The following PLCXD3 variants were observed in gnomAD, a reference collection of about 807,000 sequenced individuals.
The protein encoded by PLCXD3 is phosphatidylinositol specific phospholipase C X domain containing 3.
Under a neutral mutation model 25.5 loss-of-function variants are expected in PLCXD3, and 19 were observed. That is an observed-to-expected ratio of 0.75 (90% CI 0.52 to 1.09). PLCXD3 has a LOEUF of 1.09. Among genes scored for constraint, PLCXD3 ranks in the 50% least tolerant of loss-of-function variants. The probability of loss-of-function intolerance (pLI) is 0.00; values close to 1 mark genes in which losing one functional copy is unlikely to be tolerated. For missense variants in PLCXD3, 411 were observed against 388.1 expected (o/e 1.06, Z -0.50); for synonymous variants, 174 against 137.6 (o/e 1.26, Z -1.85).
chr5:41,338,240 A>T (rs1744039078), intron 2 of PLCXD3, among the ~76,000 whole-genome samples: 1 of 152,154 alleles, frequency 6.6e-6, no homozygotes, highest in Non-Finnish European at 1.5e-5. Flanking sequence ...TGTGCCTAAA[A>T]CAAAAGGTTT....
intron 1 of PLCXD3, among the ~76,000 whole-genome samples, chr5:41,413,246 T>C (rs1421511961): frequency 2.0e-5 from 3 of 152,186 alleles, no homozygotes; most frequent in South Asian, 2.1e-4. Flanking sequence ...ATCATGAAAG[T>C]CATAAATTTT....
intron 2 of PLCXD3, among the ~76,000 whole-genome samples, chr5:41,375,295 A>C (rs139642308): frequency 6.6e-6 from 1 of 152,120 alleles, no homozygotes; most frequent in Non-Finnish European, 1.5e-5. Flanking sequence ...TGTTGAGTGC[A>C]GTGCAGACTG....
intron 1 of PLCXD3, among the ~76,000 whole-genome samples, chr5:41,496,424 A>T (rs1748837768): frequency 6.6e-6 from 1 of 152,030 alleles, no homozygotes; most frequent in Non-Finnish European, 1.5e-5. Context: ...AAAATTGCCA[A>T]AATCAAAGAC....
Position 41,307,013 on chromosome 5 carries a change from A to T in PLCXD3, c.*6604T>A, listed in dbSNP as rs1743022844. 1 of 152,610 alleles carries T rather than the reference A, an allele frequency of 6.6e-6. No homozygotes were observed. The highest frequency in any genetic ancestry group is 2.4e-5 in the African/African-American group (1 of 41,454). 9.5% of individuals were successfully genotyped at this position (152,610 alleles called of 1,614,324 possible). On this transcript the variant is annotated 3_prime_UTR_variant, in exon 3 of 3. Transcript: ENST00000377801. ...ATACAAATAAACTTTTATTTTTTAC[A>T]TTAAGAACACAATCTTATTTAAAAA...
chr5:41,414,500 G>A (rs974002996), intron 1 of PLCXD3, among the ~76,000 whole-genome samples: 2 of 152,128 alleles, frequency 1.3e-5, no homozygotes, highest in Non-Finnish European at 2.9e-5. Context: ...ATTGTACTGC[G>A]AATATTTTAT....
Position 41,510,536 on chromosome 5 carries a change from C to T in PLCXD3, c.-10G>A. The T allele has an allele frequency of 2.5e-6, 4 of 1,609,966 alleles. No individual in the cohort carries two copies. The highest frequency in any genetic ancestry group is 3.4e-6 in the Non-Finnish European group (4 of 1,177,126). On this transcript the variant is annotated 5_prime_UTR_variant, in exon 1 of 3. Coordinates refer to ENST00000377801, the MANE Select transcript of PLCXD3 (RefSeq NM_001005473.3). The stretch of plus-strand genomic sequence containing the variant: ...CCTGAGACGAGGCCATCGTGCCAGT[C>T]GGCGTGCAGCGCGCTGGTCCCAGCA...
chr5:41,365,013 C>T (rs1188028441), intron 2 of PLCXD3, among the ~76,000 whole-genome samples: 1 of 152,180 alleles, frequency 6.6e-6, no homozygotes, highest in African/African-American at 2.4e-5. Flanking sequence ...AGACCTTTCA[C>T]ATAATGCTTT....
At chr5:41,419,434 T>G (rs1223348451) in intron 1 of PLCXD3, among the ~76,000 whole-genome samples, 1 of 152,138 alleles carries the variant, frequency 6.6e-6, no homozygotes, top group Non-Finnish European at 1.5e-5. Flanking sequence ...ATAGTGTTTT[T>G]CCAATAGAAA....
rs895436139 is a variant in PLCXD3, at chr5:41,402,361, T to C, written c.104-19827A>G. ...TTAACCTCTAAGTAATTTATAAATG[T>C]GTTATTTTCCAAATATTTATAGATT... is the stretch of plus-strand genomic sequence containing the variant. On this transcript the variant is annotated intron_variant, in intron 1 of 2. Transcript: ENST00000377801. Among the ~76,000 whole-genome samples, 37 of 151,822 alleles carry C rather than the reference T, an allele frequency of 2.4e-4. 1 individual carries two copies. Among genetic ancestry groups the C allele is most frequent in the South Asian group, 2.1e-4 (1 of 4,830 alleles).
chr5:41,371,153 A>G (rs992220810), intron 2 of PLCXD3, among the ~76,000 whole-genome samples: 22 of 152,206 alleles, frequency 1.4e-4, no homozygotes, highest in Admixed American at 8.5e-4. Context: ...TTGCATAGAA[A>G]CAGCCTCGAC....
At chr5:41,405,030 C>G (rs1746309908) in intron 1 of PLCXD3, among the ~76,000 whole-genome samples, 1 of 152,062 alleles carries the variant, frequency 6.6e-6, no homozygotes, top group Non-Finnish European at 1.5e-5. Flanking sequence ...TTGTCCTTGC[C>G]TGTTCTATTT....
At chr5:41,404,057 C>T (rs998703190) in intron 1 of PLCXD3, among the ~76,000 whole-genome samples, 1 of 152,124 alleles carries the variant, frequency 6.6e-6, no homozygotes, top group African/African-American at 2.4e-5. Flanking sequence ...CAAGTTGGCT[C>T]TTCCAAGCAA....
At chr5:41,350,398 C>A (rs1029295234) in intron 2 of PLCXD3, among the ~76,000 whole-genome samples, 2 of 151,814 alleles carry the variant, frequency 1.3e-5, no homozygotes, top group Admixed American at 6.6e-5. Context: ...ATTCTTTTTC[C>A]TTTTTCTCCA....
At chr5:41,484,431 A>G (rs1238398034) in intron 1 of PLCXD3, among the ~76,000 whole-genome samples, 1 of 152,178 alleles carries the variant, frequency 6.6e-6, no homozygotes. Context: ...TTTGAAGTCC[A>G]GCAGCTTTTT....
chr5:41,500,755 A>G (rs1280445282), intron 1 of PLCXD3, among the ~76,000 whole-genome samples: 1 of 151,938 alleles, frequency 6.6e-6, no homozygotes, highest in Non-Finnish European at 1.5e-5. Flanking sequence ...GCCTCTCTGC[A>G]GGAAAAGAAA....
intron 1 of PLCXD3, among the ~76,000 whole-genome samples, chr5:41,467,866 G>A (rs1039505187): frequency 6.6e-6 from 1 of 152,126 alleles, no homozygotes; most frequent in African/African-American, 2.4e-5. Context: ...TCAGTTGACT[G>A]TAAATGCATG....
chr5:41,400,366 A>T (rs1006358130), intron 1 of PLCXD3, among the ~76,000 whole-genome samples: 1 of 152,082 alleles, frequency 6.6e-6, no homozygotes, highest in Admixed American at 6.6e-5. Flanking sequence ...AAATCAGTAT[A>T]CTGAAGAGTT....
intron 1 of PLCXD3, among the ~76,000 whole-genome samples, chr5:41,403,923 T>C (rs1746277623): frequency 6.6e-6 from 1 of 152,158 alleles, no homozygotes; most frequent in Non-Finnish European, 1.5e-5. Context: ...TAAATAGCTA[T>C]TCTATAAGCC....
chr5:41,465,035 AT>A (rs1191723872), intron 1 of PLCXD3, among the ~76,000 whole-genome samples: 2 of 151,956 alleles, frequency 1.3e-5, no homozygotes, highest in Admixed American at 6.6e-5. Flanking sequence ...TCAACTGTAC[AT>A]TTTTTGGGGG....
Sources: allele counts gnomAD v4.1 joint callset (sites outside exome capture counted in the v4.1 genomes callset), GRCh38; gene constraint gnomAD v4.1.1; transcripts MANE v1.5; gene names NCBI Gene and HGNC (gene_info 2026-07-23, HGNC 2026-07-21).